The following TARS3 variants were observed in gnomAD, a reference collection of about 807,000 sequenced individuals.
The protein encoded by TARS3 is threonine--tRNA ligase 2, cytoplasmic.
TARS3 carries 94 observed loss-of-function variants against 103.5 expected under a neutral mutation model. The observed-to-expected ratio is 0.91, with a 90% confidence interval of 0.77 to 1.08. The LOEUF (loss-of-function observed/expected upper bound fraction) is 1.08. Ranked by LOEUF, TARS3 falls within the 50% of genes least tolerant of loss-of-function variation. The probability of loss-of-function intolerance (pLI) is 0.00; values close to 1 mark genes in which losing one functional copy is unlikely to be tolerated. For missense variants in TARS3, 952 were observed against 995.2 expected (o/e 0.96, Z 0.58); for synonymous variants, 416 against 355.4 (o/e 1.17, Z -1.92).
intron 13 of TARS3, among the ~76,000 whole-genome samples, chr15:101,673,070 T>A (rs1328243237): frequency 6.6e-6 from 1 of 152,196 alleles, no homozygotes; most frequent in African/African-American, 2.4e-5. Flanking sequence ...GATGTGTCTC[T>A]TTCAAACCAT....
intron 10 of TARS3, among the ~76,000 whole-genome samples, chr15:101,689,304 A>C (rs146397786): frequency 4.6e-5 from 7 of 152,304 alleles, no homozygotes; most frequent in African/African-American, 1.4e-4. Context: ...AACCCCACAA[A>C]GAGCATTACT....
At chr15:101,715,315 T>G (rs528298123) in intron 3 of TARS3, among the ~76,000 whole-genome samples, 9 of 151,666 alleles carry the variant, frequency 5.9e-5, no homozygotes, top group African/African-American at 2.2e-4. Context: ...CGCGGCTAAT[T>G]TTTTGTATTT....
intron 10 of TARS3, among the ~76,000 whole-genome samples, chr15:101,695,407 C>T (rs1468941952): frequency 6.6e-6 from 1 of 152,184 alleles, no homozygotes; most frequent in South Asian, 2.1e-4. Context: ...GAGGTTCCTC[C>T]TTCATGTGTA....
intron 12 of TARS3, among the ~76,000 whole-genome samples, chr15:101,680,637 T>C (rs937795578): frequency 1.6e-4 from 25 of 152,236 alleles, no homozygotes; most frequent in African/African-American, 4.6e-4. Context: ...TTTTTGCTCA[T>C]TGTTTAACTG....
chr15:101,673,992 G>A (rs578061332), intron 13 of TARS3, among the ~76,000 whole-genome samples: 22 of 152,178 alleles, frequency 1.4e-4, no homozygotes, highest in African/African-American at 5.1e-4. Context: ...TCAGTTACCC[G>A]CAGTCGACTG....
In TARS3 at chr15:101,708,952, T is replaced by C. The variant is rs763428006; in HGVS notation, c.813-42A>G. On this transcript the variant is annotated intron_variant, in intron 5 of 18. Transcript: ENST00000335968. The stretch of plus-strand genomic sequence containing the variant: ...AGAACCGACATCCATCTTCCAGACA[T>C]TATGCATTCCCTCTTTCCTTTGTCC... 4 of 1,268,486 alleles carry C rather than the reference T, an allele frequency of 3.2e-6. No homozygotes were observed. The African/African-American group carries it at 4.6e-5, about 14-fold the overall frequency. 78.6% of individuals were successfully genotyped at this position (1,268,486 alleles called of 1,614,324 possible). A position where few individuals can be genotyped will look rare whatever the true frequency, so the allele number is the denominator to read the frequency against.
At chr15:101,661,569 A>C in intron 16 of TARS3, 143 bp downstream of exon 16, 4 of 513,040 alleles carry the variant, frequency 7.8e-6, no homozygotes, top group Non-Finnish European at 1.0e-5. Flanking sequence ...CAAGGCAGGA[A>C]AGGCCCTTTC....
chr15:101,716,855 ATTTT>A (rs34234379), intron 3 of TARS3, among the ~76,000 whole-genome samples: 1 of 131,664 alleles, frequency 7.6e-6, no homozygotes, highest in Admixed American at 8.1e-5. Context: ...CTACAATGTA[ATTTT>A]TTTTTTTTTT....
chr15:101,680,483 C>T (rs1355790643), intron 12 of TARS3, among the ~76,000 whole-genome samples: 3 of 152,176 alleles, frequency 2.0e-5, no homozygotes, highest in Non-Finnish European at 4.4e-5. Flanking sequence ...TTTCTTAGGT[C>T]CTGATGTCCA....
At chr15:101,690,350 A>G (rs1898660521) in intron 10 of TARS3, among the ~76,000 whole-genome samples, 1 of 152,224 alleles carries the variant, frequency 6.6e-6, no homozygotes, top group African/African-American at 2.4e-5. Context: ...GTATAATACA[A>G]CATGCTTAAA....
chr15:101,699,847 T>C (rs924579411), intron 10 of TARS3, among the ~76,000 whole-genome samples: 4 of 152,124 alleles, frequency 2.6e-5, no homozygotes, highest in Admixed American at 2.0e-4. Context: ...AGAAAGTTAC[T>C]GAAGAAAGTG....
At chr15:101,674,911 C>T (rs1897960364) in intron 13 of TARS3, among the ~76,000 whole-genome samples, 1 of 152,020 alleles carries the variant, frequency 6.6e-6, no homozygotes, top group African/African-American at 2.4e-5. Context: ...TGGTACCATC[C>T]AGGGTTTTGG....
At chr15:101,698,861 G>GT in intron 10 of TARS3, among the ~76,000 whole-genome samples, 1 of 152,200 alleles carries the variant, frequency 6.6e-6, no homozygotes, top group East Asian at 1.9e-4. Context: ...CTTTGGAAGA[G>GT]TAGAATGGAC....
At position 101,654,643 on chromosome 15, in the gene TARS3, G is replaced by A; in HGVS notation, c.2348C>T (p.Ala783Val). The change falls in exon 19 of 19, where the codon GCC (alanine) becomes GTC (valine). Residue 783 changes from alanine (A) to valine (V), a missense_variant. Physicochemically the swap from Ala to Val is moderately conservative, Grantham distance 64 (BLOSUM62 0). Coordinates refer to ENST00000335968, the MANE Select transcript of TARS3 (RefSeq NM_152334.3). ...CCTGAGATTCTTCAGTTTATCAATG[G>A]CAGAAGTTACTAAAATCTCTCCATG... is the stretch of plus-strand genomic sequence containing the variant. Reference protein sequence around the residue: ...KIHGEILVTSAIDKLKNLRKT... With the variant: ...KIHGEILVTSVIDKLKNLRKT... 1 of 1,614,086 alleles carries A rather than the reference G, an allele frequency of 6.2e-7. No homozygotes were observed. Among genetic ancestry groups the A allele is most frequent in the Non-Finnish European group, 8.5e-7 (1 of 1,179,978 alleles).
intron 4 of TARS3, among the ~76,000 whole-genome samples, chr15:101,714,380 T>TA (rs902503742): frequency 4.0e-5 from 6 of 151,896 alleles, no homozygotes; most frequent in Non-Finnish European, 8.8e-5. Context: ...GAGGGAGGCA[T>TA]ACTGCTCGAG....
rs542715115 is a variant in TARS3 at position 101,654,716 on chromosome 15, C to T, written c.2275G>A (p.Glu759Lys). Reference sequence around the variant, plus strand: ...ACGTTTACAGCATTATCTATCTTTTCCTTTTCTCCAACCACTGCAGAAAAG... The same window carrying T: ...ACGTTTACAGCATTATCTATCTTTTTCTTTTCTCCAACCACTGCAGAAAAG... ...YNFILVVGEK[E>K]KIDNAVNVRT... Residue 759 changes from glutamate (E) to lysine (K), a missense_variant, in exon 19 of 19, where the codon GAA (glutamate) becomes AAA (lysine). Physicochemically the swap from Glu to Lys is moderately conservative, Grantham distance 56. This residue lies in a region of TARS3 where 540 missense variants were observed against 631.0 expected (regional missense o/e 0.86). Transcript: ENST00000335968. 2 of 1,613,598 alleles carry T rather than the reference C, an allele frequency of 1.2e-6. No individual in the cohort carries two copies. The highest frequency in any genetic ancestry group is 2.2e-5 in the South Asian group (2 of 90,936).
At position 101,702,585 on chromosome 15, in the gene TARS3, C is replaced by T. The variant is rs116967508; in HGVS notation, c.1075-200G>A. 1.2e-4 allele frequency among the ~76,000 whole-genome samples: 19 copies of T among 152,188 alleles called. No homozygotes were observed. In the East Asian group the frequency reaches 2.7e-3, roughly 22 times the overall value. On this transcript the variant is annotated intron_variant, in intron 8 of 18. Coordinates refer to ENST00000335968, the MANE Select transcript of TARS3 (RefSeq NM_152334.3). ...AGGAGTTTGAGACTCGCCTGGACAA[C>T]GTGGCAAAACCCCATCTGTACAGAA...
In TARS3 at chr15:101,656,991, A is replaced by T; in HGVS notation, c.2191T>A (p.Leu731Met). The change falls in exon 18 of 19, where the codon TTG becomes ATG. Residue 731 changes from leucine (L) to methionine (M), a missense_variant. Around this residue, in one of 2 missense-constraint regions of TARS3, gnomAD observed 540 missense variants for 631.0 expected, o/e 0.86. Coordinates refer to ENST00000335968, the MANE Select transcript of TARS3 (RefSeq NM_152334.3). ...TTATTTAGTGTACAACTGTGATCCAAGTCAACGTCAGCCATAAATCCTTCT... is the reference window on the plus strand; with the variant it reads ...TTATTTAGTGTACAACTGTGATCCATGTCAACGTCAGCCATAAATCCTTCT... The part of the protein sequence containing the change: ...FEEGFMADVD[L>M]DHSCTLNKKI... The T allele has an allele frequency of 4.3e-6, 7 of 1,614,008 alleles. No individual in the cohort carries two copies. The highest frequency in any genetic ancestry group is 5.9e-6 in the Non-Finnish European group (7 of 1,179,892).
chr15:101,709,043 C>A (rs1009558328), intron 5 of TARS3, 133 bp from the exon 6 acceptor site: 2 of 622,570 alleles, frequency 3.2e-6, no homozygotes, highest in East Asian at 2.9e-5. Context: ...GAAAGTCAAA[C>A]GTTCATACAG....
Sources: gnomAD v4.1 joint callset for allele counts (sites outside exome capture counted in the v4.1 genomes callset) on GRCh38, gnomAD v4.1.1 for gene constraint, gnomAD v4.1.1 regional missense constraint, MANE v1.5 for transcripts, NCBI Gene and HGNC (gene_info 2026-07-23, HGNC 2026-07-21) for gene names.